Variants in ANKRD6 observed in about 807,000 individuals in gnomAD.
ANKRD6 encodes ankyrin repeat domain-containing protein 6.
ANKRD6 carries 56 observed loss-of-function variants against 82.3 expected under a neutral mutation model. That is an observed-to-expected ratio of 0.68 (90% confidence interval 0.55 to 0.85). ANKRD6 has a LOEUF of 0.85. ANKRD6 is among the 40% of genes least tolerant of loss of function. The pLI is 0.00. For missense variants in ANKRD6, 852 were observed against 907.6 expected, an observed-to-expected ratio of 0.94 and a Z score of 0.79; for synonymous variants, 347 against 352.1, an observed-to-expected ratio of 0.99 and a Z score of 0.16.
intron 1 of ANKRD6, among the ~76,000 whole-genome samples, chr6:89,518,040 G>T (rs1781431753): frequency 6.6e-6 from 1 of 152,192 alleles, no homozygotes; most frequent in Non-Finnish European, 1.5e-5. Context: ...ACTCTAAACA[G>T]CAAAAACTGA....
At chr6:89,579,075 T>C (rs1351145317) in intron 2 of ANKRD6, among the ~76,000 whole-genome samples, 1 of 152,184 alleles carries the variant, frequency 6.6e-6, no homozygotes, top group Non-Finnish European at 1.5e-5. Context: ...TATAGCAAGT[T>C]CAGAAATTCC....
At chr6:89,441,506 A>G (rs187896919) in intron 1 of ANKRD6, among the ~76,000 whole-genome samples, 1 of 151,144 alleles carries the variant, frequency 6.6e-6, no homozygotes, top group East Asian at 2.0e-4. Flanking sequence ...TTAGACCAAT[A>G]CTTCTCAAAC....
At chr6:89,571,257 G>C (rs1562868441) in intron 2 of ANKRD6, among the ~76,000 whole-genome samples, 1 of 152,042 alleles carries the variant, frequency 6.6e-6, no homozygotes, top group Admixed American at 6.6e-5. Flanking sequence ...GTTTCACCGT[G>C]TTAGCCAGGG....
chr6:89,624,086 G>C, intron 12 of ANKRD6, 29 bp downstream of exon 12: 1 of 1,580,544 alleles, frequency 6.3e-7, no homozygotes, highest in South Asian at 1.2e-5. Flanking sequence ...CAGGAGAAGG[G>C]AACATAGGCC....
chr6:89,487,179 T>G (rs1322578666), intron 1 of ANKRD6, among the ~76,000 whole-genome samples: 1 of 152,226 alleles, frequency 6.6e-6, no homozygotes, highest in African/African-American at 2.4e-5. Context: ...CCAACCACAT[T>G]GGTGTGTTCT....
intron 1 of ANKRD6, among the ~76,000 whole-genome samples, chr6:89,507,460 T>A (rs1430421741): frequency 6.6e-6 from 1 of 152,208 alleles, no homozygotes; most frequent in African/African-American, 2.4e-5. Context: ...CAGCTCTATG[T>A]TGAGCAATGT....
intron 1 of ANKRD6, among the ~76,000 whole-genome samples, chr6:89,560,212 T>C (rs1787194748): frequency 6.6e-6 from 1 of 152,166 alleles, no homozygotes. Flanking sequence ...AGAAATTTAT[T>C]TTCTTCCAGT....
At chr6:89,492,792 A>G (rs1269507219) in intron 1 of ANKRD6, among the ~76,000 whole-genome samples, 1 of 152,144 alleles carries the variant, frequency 6.6e-6, no homozygotes, top group South Asian at 2.1e-4. Context: ...ACCATTTGGT[A>G]CCTTTTTTTT....
At chr6:89,494,787 G>T (rs1778403241) in intron 1 of ANKRD6, among the ~76,000 whole-genome samples, 1 of 152,138 alleles carries the variant, frequency 6.6e-6, no homozygotes, top group African/African-American at 2.4e-5. Context: ...GAAGATTATT[G>T]TTTGGATTCA....
In ANKRD6 at chr6:89,607,178, A is replaced by G. The variant is rs1798884718; in HGVS notation, c.417+1073A>G. Among the ~76,000 whole-genome samples the G allele has an allele frequency of 2.6e-5, 4 of 151,842 alleles. No homozygotes were observed. In the South Asian group the frequency reaches 8.4e-4, roughly 32 times the overall value. On this transcript the variant is annotated intron_variant, in intron 5 of 15. Coordinates refer to ENST00000339746, the MANE Select transcript of ANKRD6 (RefSeq NM_001242809.2). The stretch of plus-strand genomic sequence containing the variant: ...GAGTGAGACCCGGTCTCAAAAAAAA[A>G]AAAAAGGTCCTTTTTACTTGGTACC...
intron 1 of ANKRD6, among the ~76,000 whole-genome samples, chr6:89,440,321 G>A (rs1315366566): frequency 6.6e-6 from 1 of 152,214 alleles, no homozygotes; most frequent in East Asian, 1.9e-4. Context: ...ATGGCGAATT[G>A]TAGGAAGGCA....
At chr6:89,529,887 G>A (rs772894280) in intron 1 of ANKRD6, among the ~76,000 whole-genome samples, 1 of 152,012 alleles carries the variant, frequency 6.6e-6, no homozygotes, top group Non-Finnish European at 1.5e-5. Context: ...TGTGGTTCAG[G>A]GTACCCCAAA....
intron 2 of ANKRD6, among the ~76,000 whole-genome samples, chr6:89,568,932 ATTTT>A (rs58909289): frequency 7.0e-6 from 1 of 141,988 alleles, no homozygotes. Flanking sequence ...TATATATATA[ATTTT>A]TTTTTTTTTT....
At chr6:89,487,830 G>GA (rs1582872880) in intron 1 of ANKRD6, among the ~76,000 whole-genome samples, 1 of 151,864 alleles carries the variant, frequency 6.6e-6, no homozygotes, top group South Asian at 2.1e-4. Context: ...CATACTGGAA[G>GA]AAAAAAAATG....
chr6:89,607,120 A>T (rs112517021), intron 5 of ANKRD6, among the ~76,000 whole-genome samples: 96 of 151,026 alleles, frequency 6.4e-4, no homozygotes, highest in African/African-American at 2.0e-3. Flanking sequence ...CAGTGAGCTT[A>T]GTTCGTGCCA....
chr6:89,555,088 T>TC (rs1334069823), intron 1 of ANKRD6, among the ~76,000 whole-genome samples: 1 of 81,854 alleles, frequency 1.2e-5, no homozygotes, highest in African/African-American at 5.1e-5. Context: ...CTCTCCTCCC[T>TC]CCCCCCTCTC....
chr6:89,436,265 CT>C (rs1770624962), intron 1 of ANKRD6, among the ~76,000 whole-genome samples: 1 of 152,188 alleles, frequency 6.6e-6, no homozygotes, highest in Non-Finnish European at 1.5e-5. Flanking sequence ...CTCTCATTTC[CT>C]GTTTCACATT....
chr6:89,525,190 A>C (rs971911069), intron 1 of ANKRD6, among the ~76,000 whole-genome samples: 4 of 150,980 alleles, frequency 2.6e-5, no homozygotes, highest in African/African-American at 9.8e-5. Flanking sequence ...GCTACTAGGG[A>C]GGCTGAGGCA....
chr6:89,577,808 T>G (rs1038445512), intron 2 of ANKRD6, among the ~76,000 whole-genome samples: 1 of 152,082 alleles, frequency 6.6e-6, no homozygotes, highest in Non-Finnish European at 1.5e-5. Flanking sequence ...CAGAGGGAGA[T>G]CCTGTCTCAA....
Sources: gnomAD v4.1 joint callset for allele counts (sites outside exome capture counted in the v4.1 genomes callset) on GRCh38, gnomAD v4.1.1 for gene constraint, MANE v1.5 for transcripts, NCBI Gene and HGNC (gene_info 2026-07-23, HGNC 2026-07-21) for gene names.